Variants in PHACTR1 observed in about 807,000 individuals in gnomAD.
PHACTR1 encodes phosphatase and actin regulator 1, also known as RPEL repeat containing 1.
A neutral mutation model predicts 69.2 loss-of-function variants in PHACTR1; 16 were observed. The ratio of observed to expected loss-of-function variants is 0.23; its 90% CI spans 0.16 to 0.35. The LOEUF (loss-of-function observed/expected upper bound fraction) is 0.35. Among genes scored for constraint, PHACTR1 ranks in the 10% least tolerant of loss-of-function variants. The pLI is 1.00. For synonymous variants in PHACTR1, 312 were observed against 284.5 expected (o/e 1.10, Z -0.97); for missense variants, 510 against 734.7 (o/e 0.69, Z 3.54).
In PHACTR1 at chr6:12,962,204, G is replaced by A. The variant is rs192412979; in HGVS notation, c.251-91161G>A. 2.2e-3 allele frequency among the ~76,000 whole-genome samples: 330 copies of A among 152,202 alleles called. 1 individual carries two copies. The highest frequency in any genetic ancestry group is 7.4e-3 in the African/African-American group (306 of 41,524). On this transcript the variant is annotated intron_variant, in intron 4 of 14. Transcript: ENST00000332995. ...CACTCCTTGGCCTCCCAAAATGCTG[G>A]GTTGAGCCACTGTGCCTGGCCCTAA... is the stretch of plus-strand genomic sequence containing the variant.
chr6:13,150,196 TTAGCCTGGTGTG>T, intron 5 of PHACTR1, among the ~76,000 whole-genome samples: 1 of 152,036 alleles, frequency 6.6e-6, no homozygotes, highest in Non-Finnish European at 1.5e-5. Context: ...AAAATACAAG[TTAGCCTGGTGTG>T]GTACCGCATG....
At chr6:13,059,585 G>A (rs1367803335) in intron 5 of PHACTR1, among the ~76,000 whole-genome samples, 1 of 151,936 alleles carries the variant, frequency 6.6e-6, no homozygotes, top group Non-Finnish European at 1.5e-5. Context: ...TGTATGCATA[G>A]GTCCAAACTC....
chr6:12,928,976 T>C (rs973332334), intron 4 of PHACTR1, among the ~76,000 whole-genome samples: 2 of 152,226 alleles, frequency 1.3e-5, no homozygotes, highest in Admixed American at 1.3e-4. Context: ...ATTGGTGTTT[T>C]TTCAAAGATC....
chr6:13,191,033 G>A (rs1150601), intron 7 of PHACTR1, among the ~76,000 whole-genome samples: 6,930 of 151,998 alleles, frequency 0.046, 424 homozygotes, highest in African/African-American at 0.15. Flanking sequence ...ATGCTGCTGC[G>A]TAATTTCATT....
intron 5 of PHACTR1, among the ~76,000 whole-genome samples, chr6:13,064,547 GAT>G (rs1195089569): frequency 1.3e-4 from 9 of 70,210 alleles, no homozygotes; most frequent in Admixed American, 2.0e-4. Flanking sequence ...GAAGGGAAAA[GAT>G]ATATATATAT....
intron 10 of PHACTR1, among the ~76,000 whole-genome samples, chr6:13,235,961 GT>G (rs1479915491): frequency 2.0e-5 from 3 of 152,184 alleles, no homozygotes; most frequent in African/African-American, 7.2e-5. Flanking sequence ...ATACACAGGA[GT>G]TTATCATCTA....
rs969434187 is a variant in PHACTR1 at position 13,283,360 on chromosome 6, A to C, written c.1510-62A>C. ...TTTCCACACCTGCAAGTTCACAGAC[A>C]GGACCAAGTGCCATGGTCAACCCTT... On this transcript the variant is annotated intron_variant, in intron 12 of 14. Coordinates refer to ENST00000332995, the MANE Select transcript of PHACTR1 (RefSeq NM_030948.6). The surrounding 1 kb of genome is among the most constrained non-coding windows in gnomAD (Gnocchi z 4.7). 1.9e-6 allele frequency: 3 copies of C among 1,578,258 alleles called. No homozygotes were observed. The highest frequency in any genetic ancestry group is 2.6e-6 in the Non-Finnish European group (3 of 1,159,088).
chr6:13,193,357 G>GTATATGTATATATATATATATATA (rs1554152202), intron 7 of PHACTR1, among the ~76,000 whole-genome samples: 21 of 68,196 alleles, frequency 3.1e-4, no homozygotes, highest in Non-Finnish European at 5.8e-4. Context: ...AGCTCTCTGT[G>GTATATGTATATATATATATATATA]TATATATATA....
At chr6:12,810,969 T>C (rs1774949725) in intron 4 of PHACTR1, among the ~76,000 whole-genome samples, 1 of 152,204 alleles carries the variant, frequency 6.6e-6, no homozygotes, top group African/African-American at 2.4e-5. Flanking sequence ...ATTGACGCGC[T>C]TTGTGTCAGT....
intron 4 of PHACTR1, among the ~76,000 whole-genome samples, chr6:13,007,190 C>CTTTAT (rs1332747727): frequency 2.0e-5 from 3 of 152,112 alleles, no homozygotes; most frequent in Admixed American, 2.0e-4. Context: ...TTCCCAGCTG[C>CTTTAT]TTTATTTTAT....
intron 5 of PHACTR1, among the ~76,000 whole-genome samples, chr6:13,111,308 A>T (rs1317659747): frequency 6.6e-6 from 1 of 152,178 alleles, no homozygotes; most frequent in Non-Finnish European, 1.5e-5. Flanking sequence ...CAATTTAAGT[A>T]AAAATTTGTA....
At chr6:12,965,536 A>G (rs1582737659) in intron 4 of PHACTR1, among the ~76,000 whole-genome samples, 1 of 147,528 alleles carries the variant, frequency 6.8e-6, no homozygotes, top group East Asian at 2.0e-4. Context: ...CTGAAGTGCG[A>G]TGCAGTGCTT....
At chr6:12,854,903 G>A (rs895267086) in intron 4 of PHACTR1, among the ~76,000 whole-genome samples, 12 of 152,194 alleles carry the variant, frequency 7.9e-5, no homozygotes, top group African/African-American at 2.7e-4. Flanking sequence ...TGTTGGCAAG[G>A]TTGTAGAGAA....
At chr6:12,875,284 T>A (rs958507035) in intron 4 of PHACTR1, among the ~76,000 whole-genome samples, 2 of 152,260 alleles carry the variant, frequency 1.3e-5, no homozygotes, top group Admixed American at 1.3e-4. Flanking sequence ...CACAGGGTTC[T>A]TCGTGCTCCA....
At chr6:12,849,190 G>A (rs1779581784) in intron 4 of PHACTR1, among the ~76,000 whole-genome samples, 1 of 152,190 alleles carries the variant, frequency 6.6e-6, no homozygotes, top group African/African-American at 2.4e-5. Context: ...CTAGGAGCGT[G>A]TGAAAGAATG....
intron 4 of PHACTR1, among the ~76,000 whole-genome samples, chr6:12,992,784 G>A (rs1234967265): frequency 1.3e-5 from 2 of 152,116 alleles, no homozygotes; most frequent in Non-Finnish European, 2.9e-5. Context: ...TGGGTCTTCC[G>A]GTTCTGTGGT....
At chr6:13,229,965 G>T in intron 9 of PHACTR1, 72 bp from the exon 10 acceptor site, 2 of 1,458,282 alleles carry the variant, frequency 1.4e-6, no homozygotes, top group South Asian at 2.9e-5. Flanking sequence ...TGTATCTTAT[G>T]ACCCAGGGTT....
rs1150621 is a variant in PHACTR1, at chr6:13,246,806, G to A, written c.1391+16613G>A. ...ACAGTTGTTCTTCACGTGTCCCCAT[G>A]TATCTTTGTTTACTGGCAAAACACC... is the stretch of plus-strand genomic sequence containing the variant. On this transcript the variant is annotated intron_variant, in intron 10 of 14. Coordinates refer to ENST00000332995, the MANE Select transcript of PHACTR1 (RefSeq NM_030948.6). The surrounding 1 kb of genome is among the most constrained non-coding windows in gnomAD (Gnocchi z 4.2). Among the ~76,000 whole-genome samples the A allele has an allele frequency of 0.039, 5,883 of 152,226 alleles. 365 individuals carry two copies. Among genetic ancestry groups the A allele is most frequent in the African/African-American group, 0.13 (5,516 of 41,506 alleles).
intron 4 of PHACTR1, among the ~76,000 whole-genome samples, chr6:12,971,370 C>T (rs1437604753): frequency 6.6e-6 from 1 of 152,186 alleles, no homozygotes; most frequent in Non-Finnish European, 1.5e-5. Context: ...GGCAAAGGCA[C>T]ATGCACATAG....
Sources: allele counts gnomAD v4.1 joint callset (sites outside exome capture counted in the v4.1 genomes callset), GRCh38; gene constraint gnomAD v4.1.1; non-coding constraint Gnocchi (gnomAD v3.1); transcripts MANE v1.5; gene names NCBI Gene and HGNC (gene_info 2026-07-23, HGNC 2026-07-21).